Variants in ADGRV1 observed in about 807,000 individuals in gnomAD.
ADGRV1 encodes the protein G-protein coupled receptor 98.
A neutral mutation model predicts 596.2 loss-of-function variants in ADGRV1; 359 were observed. The ratio of observed to expected loss-of-function variants is 0.60; its 90% CI spans 0.55 to 0.66. ADGRV1 has a LOEUF of 0.66. Among genes scored for constraint, ADGRV1 ranks in the 30% least tolerant of loss-of-function variants. ADGRV1 has a pLI of 0.00. For missense variants in ADGRV1, 7,274 were observed against 7,575.6 expected, an observed-to-expected ratio of 0.96 and a Z score of 1.48; for synonymous variants, 2,681 against 2,679.2, an observed-to-expected ratio of 1.00 and a Z score of -0.02.
At chr5:91,048,408 C>T (rs979487380) in intron 85 of ADGRV1, among the ~76,000 whole-genome samples, 2 of 152,212 alleles carry the variant, frequency 1.3e-5, no homozygotes, top group Admixed American at 6.5e-5. Flanking sequence ...GTTTACCCAA[C>T]CTAACCACCT....
chr5:91,059,079 T>C (rs1787167075), intron 85 of ADGRV1, among the ~76,000 whole-genome samples: 1 of 152,212 alleles, frequency 6.6e-6, no homozygotes, highest in African/African-American at 2.4e-5. Context: ...TTGTATACTG[T>C]ATACATAGGA....
intron 34 of ADGRV1, among the ~76,000 whole-genome samples, chr5:90,701,706 C>T (rs7707515): frequency 2.0e-5 from 3 of 151,866 alleles, no homozygotes; most frequent in Non-Finnish European, 4.4e-5. Context: ...TATTGATGAA[C>T]TAGTATTAGA....
intron 59 of ADGRV1, among the ~76,000 whole-genome samples, chr5:90,766,753 C>T (rs573146780): frequency 5.3e-4 from 80 of 152,078 alleles, no homozygotes; most frequent in Non-Finnish European, 9.3e-4. Flanking sequence ...AAAGTTTGGT[C>T]GGACATTTAC....
intron 50 of ADGRV1, among the ~76,000 whole-genome samples, chr5:90,738,497 G>A (rs1374375096): frequency 2.0e-5 from 3 of 152,070 alleles, no homozygotes; most frequent in East Asian, 3.8e-4. Flanking sequence ...AGAGCAGGCC[G>A]AGTGGTAACA....
At chr5:90,616,915 AACC>A (rs1056717250) in intron 2 of ADGRV1, among the ~76,000 whole-genome samples, 2 of 152,206 alleles carry the variant, frequency 1.3e-5, no homozygotes, top group Non-Finnish European at 2.9e-5. Context: ...AGCCTCTGGT[AACC>A]ACCATTCTAC....
chr5:90,586,193 A>G (rs1469992332), intron 1 of ADGRV1, among the ~76,000 whole-genome samples: 3 of 152,210 alleles, frequency 2.0e-5, no homozygotes, highest in South Asian at 2.1e-4. Context: ...AGAATTAGCA[A>G]TTATCAAGAT....
Position 90,753,720 on chromosome 5 carries a change from T to C in ADGRV1, c.11268T>C (p.Ile3756=). The change falls in exon 54 of 90, where the codon ATT becomes ATC. Residue 3756 remains isoleucine (I), a synonymous_variant. Transcript: ENST00000405460. ...AGGACTCATACAAAGGTGCTACTAT[T>C]GATCAGGACAGAAGCAAGTCTGTTA... The part of the protein sequence containing the change: ...GVEDSYKGAT[I]DQDRSKSVIT... 1 of 1,613,638 alleles carries C rather than the reference T, an allele frequency of 6.2e-7. No homozygotes were observed.
chr5:90,844,156 T>C (rs567572267), intron 78 of ADGRV1, among the ~76,000 whole-genome samples: 1 of 152,250 alleles, frequency 6.6e-6, no homozygotes, highest in South Asian at 2.1e-4. Context: ...CATTTATATA[T>C]GCCATATGAA....
At chr5:90,857,281 T>C (rs533584190) in intron 82 of ADGRV1, among the ~76,000 whole-genome samples, 2 of 152,182 alleles carry the variant, frequency 1.3e-5, no homozygotes, top group South Asian at 2.1e-4. Context: ...TCAAAAGATA[T>C]AATGTTGAAA....
At chr5:90,855,566 G>C (rs1766945006) in intron 81 of ADGRV1, among the ~76,000 whole-genome samples, 175 bp from the exon 82 acceptor site, 1 of 152,266 alleles carries the variant, frequency 6.6e-6, no homozygotes, top group South Asian at 2.1e-4. Flanking sequence ...TGTGGAATCT[G>C]TCATGTCATG....
chr5:90,563,834 C>T (rs762219632), intron 1 of ADGRV1, among the ~76,000 whole-genome samples: 11 of 152,082 alleles, frequency 7.2e-5, no homozygotes, highest in South Asian at 2.1e-4. Flanking sequence ...CTTCTTTAGT[C>T]GTGAATTTTG....
rs543821962 is a variant in ADGRV1 at position 90,668,386 on chromosome 5, G to C, written c.4753-4160G>C. Among the ~76,000 whole-genome samples, 24 of 152,172 alleles carry C rather than the reference G, an allele frequency of 1.6e-4. No homozygotes were observed. The South Asian group carries it at 4.8e-3, about 30-fold the overall frequency. ...TGACCCGATTTTCCAGGTGCCGTCC[G>C]TCACCCCTTTCTTTGACTAGGAAAG... On this transcript the variant is annotated intron_variant, in intron 21 of 89. Coordinates refer to ENST00000405460, the MANE Select transcript of ADGRV1 (RefSeq NM_032119.4).
intron 85 of ADGRV1, among the ~76,000 whole-genome samples, chr5:90,997,825 A>G (rs1203173908): frequency 2.6e-5 from 4 of 152,170 alleles, no homozygotes; most frequent in Non-Finnish European, 4.4e-5. Context: ...TGCAATGGGC[A>G]TCATAAAACC....
intron 83 of ADGRV1, among the ~76,000 whole-genome samples, chr5:90,942,526 G>A (rs897114175): frequency 6.6e-5 from 10 of 152,068 alleles, no homozygotes; most frequent in African/African-American, 2.2e-4. Flanking sequence ...AGTGGGGTCA[G>A]GTTAAAGATT....
intron 39 of ADGRV1, 101 bp from the exon 40 acceptor site, chr5:90,710,880 T>G: frequency 1.4e-6 from 1 of 703,610 alleles, no homozygotes; most frequent in Non-Finnish European, 2.4e-6. Context: ...ACCTGTACAT[T>G]ATGAATTATA....
At position 90,837,322 on chromosome 5, in the gene ADGRV1, C is replaced by T. The variant is rs115860773; in HGVS notation, c.16612-3256C>T. The stretch of plus-strand genomic sequence containing the variant: ...AAAGACCATGTGTTTTCCTTATTTT[C>T]ACGTTGCCTATTCCATTCAAAGACT... On this transcript the variant is annotated intron_variant, in intron 77 of 89. Coordinates refer to ENST00000405460, the MANE Select transcript of ADGRV1 (RefSeq NM_032119.4). Among the ~76,000 whole-genome samples, 535 of 152,046 alleles carry T rather than the reference C, an allele frequency of 3.5e-3. 4 individuals are homozygous for T. The highest frequency in any genetic ancestry group is 0.012 in the African/African-American group (514 of 41,506).
chr5:90,683,243 G>T (rs1025518881), intron 27 of ADGRV1, among the ~76,000 whole-genome samples: 2 of 152,024 alleles, frequency 1.3e-5, no homozygotes, highest in Admixed American at 6.6e-5. Context: ...TAGAGTCTTG[G>T]TGTGTTGCCC....
At chr5:90,888,144 A>G (rs1770472987) in intron 83 of ADGRV1, among the ~76,000 whole-genome samples, 1 of 152,202 alleles carries the variant, frequency 6.6e-6, no homozygotes, top group Non-Finnish European at 1.5e-5. Context: ...TACAGTATCA[A>G]ACTACAATGT....
At chr5:90,841,127 A>G in intron 78 of ADGRV1, 142 bp downstream of exon 78, 1 of 596,290 alleles carries the variant, frequency 1.7e-6, no homozygotes, top group Non-Finnish European at 2.7e-6. Context: ...TAGGAATAGA[A>G]TGCATCATAT....
Sources: gnomAD v4.1 joint callset for allele counts (sites outside exome capture counted in the v4.1 genomes callset) on GRCh38, gnomAD v4.1.1 for gene constraint, MANE v1.5 for transcripts, NCBI Gene and HGNC (gene_info 2026-07-23, HGNC 2026-07-21) for gene names.